The following USH2A variants were observed in gnomAD, a reference collection of about 807,000 sequenced individuals.
USH2A encodes the protein Usher syndrome 2A (autosomal recessive, mild).
Under a neutral mutation model 538.9 loss-of-function variants are expected in USH2A, and 443 were observed. The ratio of observed to expected loss-of-function variants is 0.82; its 90% CI spans 0.76 to 0.89. USH2A has a LOEUF of 0.89. USH2A is among the 40% of genes least tolerant of loss of function. USH2A has a pLI of 0.00. For synonymous variants in USH2A, 2,413 were observed against 2,273.5 expected, an observed-to-expected ratio of 1.06 and a Z score of -1.75; for missense variants, 6,633 against 6,324.8, an observed-to-expected ratio of 1.05 and a Z score of -1.65.
chr1:215,846,182 T>C, intron 44 of USH2A, 149 bp from the exon 45 acceptor site: 4 of 720,862 alleles, frequency 5.5e-6, no homozygotes, highest in Non-Finnish European at 9.3e-6. Context: ...TGAGATCTCC[T>C]TTTTGGTGGT....
At chr1:216,239,920 A>T (rs2035901896) in intron 13 of USH2A, among the ~76,000 whole-genome samples, 1 of 151,646 alleles carries the variant, frequency 6.6e-6, no homozygotes, top group Admixed American at 6.6e-5. Flanking sequence ...GTCTGAAAAG[A>T]TTAAAACCTC....
At chr1:216,066,105 A>G (rs1413913394) in intron 30 of USH2A, among the ~76,000 whole-genome samples, 1 of 152,048 alleles carries the variant, frequency 6.6e-6, no homozygotes, top group Non-Finnish European at 1.5e-5. Flanking sequence ...GGCTAGATAA[A>G]ATGAAATGCA....
chr1:216,157,525 T>C (rs2033972323), intron 21 of USH2A, among the ~76,000 whole-genome samples: 1 of 152,132 alleles, frequency 6.6e-6, no homozygotes, highest in Non-Finnish European at 1.5e-5. Context: ...CATATGTTCA[T>C]TGCTACACTA....
chr1:216,348,839 A>G (rs1383697041), intron 4 of USH2A, among the ~76,000 whole-genome samples: 3 of 152,056 alleles, frequency 2.0e-5, no homozygotes, highest in African/African-American at 7.2e-5. Context: ...TCTGTGTACC[A>G]CCAAGTGATC....
chr1:216,174,245 C>CA, intron 21 of USH2A: 1 of 984,908 alleles, frequency 1.0e-6, no homozygotes, highest in Non-Finnish European at 1.2e-6. Flanking sequence ...CTATTTGCTC[C>CA]AAAATGACTT....
At chr1:215,861,542 G>C (rs927117374) in intron 44 of USH2A, among the ~76,000 whole-genome samples, 2 of 152,140 alleles carry the variant, frequency 1.3e-5, no homozygotes, top group African/African-American at 4.8e-5. Flanking sequence ...GGATCTCTTT[G>C]GGTGTTGTAC....
At chr1:216,037,873 A>C (rs762426274) in intron 32 of USH2A, among the ~76,000 whole-genome samples, 1 of 151,112 alleles carries the variant, frequency 6.6e-6, no homozygotes, top group Non-Finnish European at 1.5e-5. Context: ...CAGTATGTGT[A>C]GTTCCCCTCT....
chr1:215,857,149 T>C (rs1160329440), intron 44 of USH2A, among the ~76,000 whole-genome samples: 1 of 152,024 alleles, frequency 6.6e-6, no homozygotes, highest in Non-Finnish European at 1.5e-5. Context: ...CACCAAAATC[T>C]GAAAAATCAC....
intron 3 of USH2A, among the ~76,000 whole-genome samples, chr1:216,402,744 A>C (rs1286068069): frequency 6.6e-6 from 1 of 152,136 alleles, no homozygotes; most frequent in Non-Finnish European, 1.5e-5. Context: ...TAGTAGTTAC[A>C]TTTTGGGGTG....
chr1:215,957,602 A>T (rs1228897249), intron 37 of USH2A, among the ~76,000 whole-genome samples: 1 of 152,176 alleles, frequency 6.6e-6, no homozygotes, highest in Non-Finnish European at 1.5e-5. Flanking sequence ...TGAAATCAGA[A>T]TATGTGGGCA....
chr1:215,990,945 T>G (rs1179240014), intron 35 of USH2A, among the ~76,000 whole-genome samples: 2 of 151,848 alleles, frequency 1.3e-5, no homozygotes, highest in African/African-American at 4.8e-5. Flanking sequence ...GTATTTTTAG[T>G]AGAGACGGAG....
At chr1:216,229,650 A>G (rs2035637641) in intron 14 of USH2A, among the ~76,000 whole-genome samples, 1 of 152,110 alleles carries the variant, frequency 6.6e-6, no homozygotes, top group Non-Finnish European at 1.5e-5. Flanking sequence ...GGTATCTTCT[A>G]AAAATGTAGC....
chr1:215,671,095 G>C lies in USH2A; in HGVS notation c.14010C>G (p.Tyr4670Ter). 1.2e-6 allele frequency: 2 copies of C among 1,614,096 alleles called. No homozygotes were observed. The stretch of plus-strand genomic sequence containing the variant: ...TTGCTATTTGTCTTCTGTATAATTC[G>C]TAATACAAAACTTTTCCATTTGGCT... ...PLQPNGKVLYYELYRRQIATQ... is the reference protein window; with the variant it reads ...PLQPNGKVLY Residue 4670 changes from tyrosine (Y) to a stop codon, truncating the protein, a stop_gained, in exon 64 of 72, where the codon TAC (tyrosine) becomes TAG (stop). Transcript: ENST00000307340. LOFTEE classifies it high-confidence loss of function.
chr1:215,730,316 G>A (rs796908382), intron 60 of USH2A, among the ~76,000 whole-genome samples: 25 of 152,104 alleles, frequency 1.6e-4, no homozygotes, highest in African/African-American at 6.0e-4. Context: ...GTTCAATCAT[G>A]TTTTTCAAGT....
intron 43 of USH2A, among the ~76,000 whole-genome samples, chr1:215,876,138 A>G (rs2102449179): frequency 6.6e-6 from 1 of 152,068 alleles, no homozygotes; most frequent in East Asian, 1.9e-4. Context: ...ATTCTACTGA[A>G]GTGATAATCA....
intron 4 of USH2A, among the ~76,000 whole-genome samples, chr1:216,358,983 G>A (rs2038440392): frequency 6.6e-6 from 1 of 152,128 alleles, no homozygotes; most frequent in Non-Finnish European, 1.5e-5. Flanking sequence ...AACATTTGGT[G>A]CAATAAAACA....
intron 56 of USH2A, among the ~76,000 whole-genome samples, chr1:215,765,306 T>A (rs1376664450): frequency 1.3e-5 from 2 of 152,148 alleles, no homozygotes; most frequent in African/African-American, 2.4e-5. Flanking sequence ...CTTTTTGACA[T>A]GAAACATTCT....
At chr1:215,740,204 T>A (rs1660263637) in intron 60 of USH2A, among the ~76,000 whole-genome samples, 1 of 152,178 alleles carries the variant, frequency 6.6e-6, no homozygotes, top group Non-Finnish European at 1.5e-5. Flanking sequence ...TCCCTCATTC[T>A]CTTCCTTTGC....
At chr1:215,810,228 A>AT (rs1183820078) in intron 49 of USH2A, among the ~76,000 whole-genome samples, 1 of 152,176 alleles carries the variant, frequency 6.6e-6, no homozygotes, top group African/African-American at 2.4e-5. Flanking sequence ...GACAATACAT[A>AT]TTTTTTAAAT....
Sources: allele counts gnomAD v4.1 joint callset (sites outside exome capture counted in the v4.1 genomes callset), GRCh38; gene constraint gnomAD v4.1.1; transcripts MANE v1.5; gene names NCBI Gene and HGNC (gene_info 2026-07-23, HGNC 2026-07-21).